RIT2: variants seen among roughly 807,000 people sequenced by gnomAD.
The protein encoded by RIT2 is GTP-binding protein Rit2.
RIT2 carries 24 observed loss-of-function variants against 23.7 expected under a neutral mutation model. The ratio of observed to expected loss-of-function variants is 1.01; its 90% CI spans 0.73 to 1.43. The LOEUF (loss-of-function observed/expected upper bound fraction) is 1.43, where lower values mean the gene tolerates loss of function less well. Among genes scored for constraint, RIT2 ranks in the 40% most tolerant of loss-of-function variants. The pLI, the probability that RIT2 is intolerant of heterozygous loss-of-function variation, is 0.00. For synonymous variants in RIT2, 107 were observed against 91.1 expected, an observed-to-expected ratio of 1.17 and a Z score of -0.99; for missense variants, 236 against 266.9, an observed-to-expected ratio of 0.88 and a Z score of 0.81.
intron 2 of RIT2, among the ~76,000 whole-genome samples, chr18:43,026,634 A>AAGAAAGAAAGAAAGAGAGAGAGAG (rs1555652917): frequency 1.0e-5 from 1 of 100,278 alleles, no homozygotes; most frequent in Non-Finnish European, 2.3e-5. Flanking sequence ...GAAAGAAAGA[A>AAGAAAGAAAGAAAGAGAGAGAGAG]AGAGAGAAAG....
intron 4 of RIT2, among the ~76,000 whole-genome samples, chr18:42,826,160 G>A (rs541153917): frequency 3.9e-5 from 6 of 152,034 alleles, no homozygotes; most frequent in Non-Finnish European, 8.8e-5. Flanking sequence ...AGGATTTTAC[G>A]TTTTTCACGC....
intron 4 of RIT2, among the ~76,000 whole-genome samples, chr18:42,846,554 G>A (rs756383125): frequency 1.8e-4 from 28 of 151,732 alleles, no homozygotes; most frequent in Non-Finnish European, 1.5e-4. Flanking sequence ...TAAAATACTG[G>A]CAAACCAAAT....
intron 4 of RIT2, among the ~76,000 whole-genome samples, chr18:42,816,157 T>G (rs560972746): frequency 2.7e-4 from 41 of 151,004 alleles, no homozygotes; most frequent in African/African-American, 9.5e-4. Context: ...AAAAAAAGTC[T>G]GATTTGTAGT....
At chr18:42,792,375 T>G (rs1260577363) in intron 4 of RIT2, among the ~76,000 whole-genome samples, 1 of 152,164 alleles carries the variant, frequency 6.6e-6, no homozygotes, top group African/African-American at 2.4e-5. Context: ...TATAATTTAG[T>G]CAATTTAATT....
intron 4 of RIT2, among the ~76,000 whole-genome samples, chr18:42,859,761 A>C (rs1299561814): frequency 6.6e-6 from 1 of 151,392 alleles, no homozygotes; most frequent in African/African-American, 2.4e-5. Flanking sequence ...GATATTTAAC[A>C]GTAGTTCAAG....
chr18:42,755,949 G>A (rs934353272), intron 4 of RIT2, among the ~76,000 whole-genome samples: 1 of 152,028 alleles, frequency 6.6e-6, no homozygotes, highest in African/African-American at 2.4e-5. Flanking sequence ...ATGGCAAGTA[G>A]TAATTATTTA....
At chr18:42,977,578 TTA>T (rs1310542957) in intron 2 of RIT2, among the ~76,000 whole-genome samples, 3 of 151,852 alleles carry the variant, frequency 2.0e-5, no homozygotes, top group Admixed American at 2.0e-4. Flanking sequence ...ACAAATCAGA[TTA>T]TTGCTAGCTG....
intron 4 of RIT2, among the ~76,000 whole-genome samples, chr18:42,829,306 A>G (rs959077507): frequency 1.3e-5 from 2 of 152,222 alleles, no homozygotes; most frequent in Admixed American, 1.3e-4. Context: ...TAGATCTAGA[A>G]TTACAAAAGT....
chr18:43,090,460 G>A (rs1326836106), intron 1 of RIT2, among the ~76,000 whole-genome samples: 3 of 152,066 alleles, frequency 2.0e-5, no homozygotes, highest in Non-Finnish European at 4.4e-5. Flanking sequence ...AGACAGTGTG[G>A]CAATTCTTCA....
At chr18:42,874,369 A>T (rs990047929) in intron 4 of RIT2, among the ~76,000 whole-genome samples, 1 of 152,106 alleles carries the variant, frequency 6.6e-6, no homozygotes, top group Non-Finnish European at 1.5e-5. Flanking sequence ...TTTTTTATAT[A>T]TTTATACTTG....
chr18:42,850,360 A>C (rs2144035256), intron 4 of RIT2, among the ~76,000 whole-genome samples: 1 of 152,292 alleles, frequency 6.6e-6, no homozygotes, highest in Middle Eastern at 3.4e-3. Flanking sequence ...CATTATCTAA[A>C]TTGCTTGAAC....
At chr18:42,871,021 T>C (rs1907609876) in intron 4 of RIT2, among the ~76,000 whole-genome samples, 1 of 152,210 alleles carries the variant, frequency 6.6e-6, no homozygotes, top group Non-Finnish European at 1.5e-5. Flanking sequence ...TATCAATTAT[T>C]GACTTGTGGT....
chr18:43,022,525 T>C (rs1328945737), intron 2 of RIT2, among the ~76,000 whole-genome samples: 2 of 152,082 alleles, frequency 1.3e-5, no homozygotes, highest in South Asian at 2.1e-4. Context: ...CATTTGACCA[T>C]AACATATTCT....
At chr18:42,840,571 G>A (rs562776369) in intron 4 of RIT2, among the ~76,000 whole-genome samples, 5 of 151,732 alleles carry the variant, frequency 3.3e-5, no homozygotes, top group Admixed American at 6.6e-5. Context: ...GCTCAGTCTC[G>A]GCTCACTGCA....
intron 1 of RIT2, among the ~76,000 whole-genome samples, chr18:43,052,355 T>C (rs1244228666): frequency 6.6e-6 from 1 of 152,134 alleles, no homozygotes; most frequent in Non-Finnish European, 1.5e-5. Context: ...GATTTATTAA[T>C]TGGGCTTATA....
At chr18:42,858,401 AC>A (rs1907242619) in intron 4 of RIT2, among the ~76,000 whole-genome samples, 1 of 152,152 alleles carries the variant, frequency 6.6e-6, no homozygotes, top group Non-Finnish European at 1.5e-5. Context: ...CAGAAGCTTC[AC>A]TAGAAGAGGG....
chr18:43,111,151 C>T (rs1913943224), intron 1 of RIT2, among the ~76,000 whole-genome samples: 2 of 152,098 alleles, frequency 1.3e-5, no homozygotes, highest in African/African-American at 4.8e-5. Context: ...TTTGCAACAG[C>T]ATGCATGGAA....
chr18:42,840,106 G>A (rs76778035), intron 4 of RIT2, among the ~76,000 whole-genome samples: 16,035 of 152,108 alleles, frequency 0.11, 988 homozygotes, highest in Middle Eastern at 0.24. Flanking sequence ...CTTCTGTATT[G>A]CAAAAAACTC....
At chr18:42,845,100 A>T (rs1182566613) in intron 4 of RIT2, among the ~76,000 whole-genome samples, 1 of 152,096 alleles carries the variant, frequency 6.6e-6, no homozygotes, top group Non-Finnish European at 1.5e-5. Flanking sequence ...AGTATATGGG[A>T]TTGCAATTCA....
Sources: gnomAD v4.1 joint callset for allele counts (sites outside exome capture counted in the v4.1 genomes callset) on GRCh38, gnomAD v4.1.1 for gene constraint, MANE v1.5 for transcripts, NCBI Gene and HGNC (gene_info 2026-07-23, HGNC 2026-07-21) for gene names.